The following NNT variants were observed in gnomAD, a reference collection of about 807,000 sequenced individuals.
NNT encodes NAD(P) transhydrogenase, mitochondrial.
A neutral mutation model predicts 104.8 loss-of-function variants in NNT; 50 were observed. That is an observed-to-expected ratio of 0.48 (90% CI 0.38 to 0.60). The LOEUF is 0.60. Ranked by LOEUF, NNT falls within the 20% of genes least tolerant of loss-of-function variation. NNT has a pLI of 0.00. For synonymous variants in NNT, 461 were observed against 490.4 expected, an observed-to-expected ratio of 0.94 and a Z score of 0.79; for missense variants, 1,131 against 1,330.7, an observed-to-expected ratio of 0.85 and a Z score of 2.33.
chr5:43,666,303 A>T (rs994142171), intron 17 of NNT, among the ~76,000 whole-genome samples: 3 of 152,048 alleles, frequency 2.0e-5, no homozygotes, highest in African/African-American at 7.2e-5. Flanking sequence ...CCTGGGCAAC[A>T]TTGAGCACTG....
chr5:43,653,247 C>T (rs373363160), intron 14 of NNT, 34 bp downstream of exon 14: 129 of 1,546,838 alleles, frequency 8.3e-5, no homozygotes, highest in Non-Finnish European at 1.1e-4. Flanking sequence ...TTCATGTGAA[C>T]TCCAGTTTCT....
intron 17 of NNT, among the ~76,000 whole-genome samples, chr5:43,665,445 C>T (rs1321224601): frequency 1.3e-5 from 2 of 151,936 alleles, no homozygotes; most frequent in Non-Finnish European, 2.9e-5. Context: ...TCTTAACGAG[C>T]ATGCTGCCTT....
intron 18 of NNT, among the ~76,000 whole-genome samples, chr5:43,676,790 A>G (rs1041443071): frequency 2.0e-5 from 3 of 152,152 alleles, no homozygotes; most frequent in Admixed American, 2.0e-4. Context: ...GCTAAACTGA[A>G]CTATGTAGAC....
intron 3 of NNT, chr5:43,613,727 G>C (rs1288736460): frequency 6.6e-6 from 1 of 152,232 alleles, no homozygotes; most frequent in Non-Finnish European, 1.5e-5. Flanking sequence ...TAGAGAAAGG[G>C]GGAGAGACTG....
intron 17 of NNT, among the ~76,000 whole-genome samples, chr5:43,666,071 G>A (rs547143163): frequency 8.6e-5 from 13 of 151,986 alleles, no homozygotes; most frequent in African/African-American, 2.9e-4. Flanking sequence ...TTCCTAGACC[G>A]GATGACGGCC....
Position 43,656,784 on chromosome 5 carries a change from G to T in NNT, c.2425G>T (p.Gly809Cys). 1 of 1,613,918 alleles carries T rather than the reference G, an allele frequency of 6.2e-7. No homozygotes were observed. The highest frequency in any genetic ancestry group is 8.5e-7 in the Non-Finnish European group (1 of 1,179,972). The change falls in exon 16 of 22, where the codon GGT becomes TGT. Residue 809 changes from glycine to cysteine, a missense_variant. Gly to Cys is a radical substitution (Grantham distance 159). Transcript: ENST00000344920. Reference sequence around the variant, plus strand: ...CTTTACTACTGGCATCACCTGTCTGGGTTCAGTGTCTGCTCTCTCTGCTGT... The same window carrying T: ...CTTTACTACTGGCATCACCTGTCTGTGTTCAGTGTCTGCTCTCTCTGCTGT... The part of the protein sequence containing the change: ...PSFTTGITCL[G>C]SVSALSAVMG...
chr5:43,639,640 A>G (rs551413403), intron 7 of NNT, among the ~76,000 whole-genome samples: 85 of 152,272 alleles, frequency 5.6e-4, no homozygotes, highest in African/African-American at 1.8e-3. Flanking sequence ...GAGGCACTAA[A>G]TAAGTATTAA....
intron 19 of NNT, among the ~76,000 whole-genome samples, chr5:43,678,281 C>G (rs534735204): frequency 1.3e-5 from 2 of 152,248 alleles, no homozygotes; most frequent in Admixed American, 6.5e-5. Flanking sequence ...CCATGTTGTT[C>G]AAGGGTCAGC....
At chr5:43,690,761 G>A (rs1742228949) in intron 19 of NNT, among the ~76,000 whole-genome samples, 3 of 151,836 alleles carry the variant, frequency 2.0e-5, no homozygotes, top group Non-Finnish European at 4.4e-5. Context: ...CGTCCTTTGA[G>A]TTATATGTAA....
chr5:43,618,687 G>A (rs980824884), intron 4 of NNT, among the ~76,000 whole-genome samples: 1 of 152,184 alleles, frequency 6.6e-6, no homozygotes, highest in African/African-American at 2.4e-5. Flanking sequence ...GAGGGTGGGT[G>A]CATAATGGAT....
At chr5:43,644,410 A>C (rs1004843742) in intron 8 of NNT, 85 bp downstream of exon 8, 31 of 1,500,014 alleles carry the variant, frequency 2.1e-5, no homozygotes, top group Non-Finnish European at 2.8e-5. Context: ...ATATTTAGAG[A>C]CATTAAGGCT....
intron 19 of NNT, among the ~76,000 whole-genome samples, chr5:43,694,222 C>T (rs1397512754): frequency 2.0e-5 from 3 of 152,180 alleles, no homozygotes; most frequent in Non-Finnish European, 2.9e-5. Flanking sequence ...ATGTCATCTC[C>T]AGACAGGGAT....
Position 43,706,019 on chromosome 5 carries a change from A to G in NNT, c.*1615A>G, listed in dbSNP as rs1174212131. 1 of 151,870 alleles carries G rather than the reference A, an allele frequency of 6.6e-6. No individual in the cohort carries two copies. The highest frequency in any genetic ancestry group is 1.5e-5 in the Non-Finnish European group (1 of 67,902). 9.4% of individuals were successfully genotyped at this position (151,870 alleles called of 1,614,324 possible). On this transcript the variant is annotated 3_prime_UTR_variant, in exon 22 of 22. Coordinates refer to ENST00000344920, the MANE Select transcript of NNT (RefSeq NM_182977.3). ...GATTTCTTGAAAAGGTAGTTCCTGC[A>G]CTCAGTTTAAACTAAAAATAATCAT...
chr5:43,616,172 A>C (rs1749776202), intron 4 of NNT, 107 bp downstream of exon 4: 1 of 928,932 alleles, frequency 1.1e-6, no homozygotes, highest in Non-Finnish European at 1.6e-6. Flanking sequence ...TTATTGTTGG[A>C]GATTACAGCC....
chr5:43,649,485 G>A (rs1739638756), intron 11 of NNT, among the ~76,000 whole-genome samples, 177 bp downstream of exon 11: 1 of 152,124 alleles, frequency 6.6e-6, no homozygotes, highest in South Asian at 2.1e-4. Context: ...ATATGGGCCT[G>A]CAGAGTAAGA....
intron 7 of NNT, among the ~76,000 whole-genome samples, chr5:43,629,156 C>A (rs140241781): frequency 4.6e-5 from 7 of 152,044 alleles, no homozygotes; most frequent in Non-Finnish European, 1.0e-4. Context: ...CCTCACCCCC[C>A]CTCCCACTCT....
At chr5:43,606,456 T>C (rs1749231110) in intron 1 of NNT, among the ~76,000 whole-genome samples, 1 of 152,218 alleles carries the variant, frequency 6.6e-6, no homozygotes, top group Non-Finnish European at 1.5e-5. Flanking sequence ...ATGTGACCCA[T>C]GAATGAATGA....
intron 19 of NNT, among the ~76,000 whole-genome samples, chr5:43,693,389 G>A (rs1742390216): frequency 6.6e-6 from 1 of 152,162 alleles, no homozygotes; most frequent in Non-Finnish European, 1.5e-5. Context: ...TAATGAGCAT[G>A]CACTTTGATT....
At chr5:43,633,744 G>T (rs1750801256) in intron 7 of NNT, among the ~76,000 whole-genome samples, 1 of 152,078 alleles carries the variant, frequency 6.6e-6, no homozygotes, top group Admixed American at 6.6e-5. Flanking sequence ...GGTCTTGGTT[G>T]GTACAGTTCC....
Sources: gnomAD v4.1 joint callset for allele counts (sites outside exome capture counted in the v4.1 genomes callset) on GRCh38, gnomAD v4.1.1 for gene constraint, MANE v1.5 for transcripts, NCBI Gene and HGNC (gene_info 2026-07-23, HGNC 2026-07-21) for gene names.